Variants in SRPRA observed in about 807,000 individuals in gnomAD.
SRPRA encodes signal recognition particle receptor subunit alpha.
SRPRA carries 30 observed loss-of-function variants against 61.1 expected under a neutral mutation model. The observed-to-expected ratio is 0.49, with a 90% CI of 0.37 to 0.67. The LOEUF (loss-of-function observed/expected upper bound fraction) is 0.67, where lower values mean the gene tolerates loss of function less well. Ranked by LOEUF, SRPRA falls within the 30% of genes least tolerant of loss-of-function variation. The probability of loss-of-function intolerance (pLI) is 0.00; values close to 1 mark genes in which losing one functional copy is unlikely to be tolerated. For missense variants in SRPRA, 759 were observed against 828.4 expected (o/e 0.92, Z 1.03); for synonymous variants, 324 against 299.7 (o/e 1.08, Z -0.84).
chr11:126,251,541 T>A, the SRPRA span, among the ~76,000 whole-genome samples: 2 of 152,196 alleles, frequency 1.3e-5, no homozygotes, highest in African/African-American at 4.8e-5. Flanking sequence ...AGACTAGTTT[T>A]CTCTGGTCCA....
At chr11:126,254,489 A>C in the SRPRA span, 1 of 1,602,792 alleles carries the variant, frequency 6.2e-7, no homozygotes, top group Non-Finnish European at 8.5e-7. Context: ...AATCTCTCTA[A>C]ATATGCCATA....
At chr11:126,247,655 C>G in the SRPRA span, among the ~76,000 whole-genome samples, 1 of 151,906 alleles carries the variant, frequency 6.6e-6, no homozygotes, top group Non-Finnish European at 1.5e-5. Flanking sequence ...GTCAGAAGTT[C>G]AAGACCAGCC....
chr11:126,265,681 G>A lies in SRPRA; in HGVS notation c.1138+56C>T. ...GAAAGTCACATACCTAGTAAGAACT[G>A]AGGTCTATGCACTTAACCTACACAT... On this transcript the variant is annotated intron_variant, in intron 9 of 13. Coordinates refer to ENST00000332118, the MANE Select transcript of SRPRA (RefSeq NM_003139.4). The surrounding 1 kb of genome is among the most constrained non-coding windows in gnomAD (Gnocchi z 6.3). 6.4e-7 allele frequency: 1 copy of A among 1,568,948 alleles called. No homozygotes were observed. The highest frequency in any genetic ancestry group is 8.8e-7 in the Non-Finnish European group (1 of 1,140,244).
chr11:126,247,422 T>C, the SRPRA span, among the ~76,000 whole-genome samples: 1 of 152,232 alleles, frequency 6.6e-6, no homozygotes, highest in Non-Finnish European at 1.5e-5. Flanking sequence ...TTAAAATAAG[T>C]GACCTGGATT....
chr11:126,249,523 G>T, the SRPRA span, among the ~76,000 whole-genome samples: 1 of 152,036 alleles, frequency 6.6e-6, no homozygotes. Flanking sequence ...ACAAGGTCAG[G>T]AGTTCAAGAC....
Position 126,265,650 on chromosome 11 carries a change from T to C in SRPRA, c.1138+87A>G. On this transcript the variant is annotated intron_variant, in intron 9 of 13. Coordinates refer to ENST00000332118, the MANE Select transcript of SRPRA (RefSeq NM_003139.4). This position sits in a 1 kb window ranked among gnomAD's most constrained non-coding sequence, Gnocchi z 6.3. ...TTACAGAGGTTTAGAGGTTAAGGAATTTGCCGAAAGTCACATACCTAGTAA... is the reference window on the plus strand; with the variant it reads ...TTACAGAGGTTTAGAGGTTAAGGAACTTGCCGAAAGTCACATACCTAGTAA... The C allele has an allele frequency of 6.8e-7, 1 of 1,462,702 alleles. No homozygotes were observed. The highest frequency in any genetic ancestry group is 1.2e-5 in the South Asian group (1 of 85,366). 90.6% of individuals were successfully genotyped at this position (1,462,702 alleles called of 1,614,324 possible). A position where few individuals can be genotyped will look rare whatever the true frequency, so the allele number is the denominator to read the frequency against.
chr11:126,238,190 C>T, the SRPRA span, among the ~76,000 whole-genome samples: 20 of 151,794 alleles, frequency 1.3e-4, no homozygotes, highest in African/African-American at 1.5e-4. Context: ...GGTGAAACCC[C>T]GTCTCTACTA....
the SRPRA span, among the ~76,000 whole-genome samples, chr11:126,246,580 G>A: frequency 4.6e-5 from 7 of 152,240 alleles, no homozygotes; most frequent in South Asian, 2.1e-4. Flanking sequence ...ACCCTGGGGC[G>A]GGAGGCGGTG....
In SRPRA at chr11:126,268,884, G is replaced by T. The variant is rs1950882336; in HGVS notation, c.-80C>A. On this transcript the variant is annotated 5_prime_UTR_variant, in exon 1 of 14. Coordinates refer to ENST00000332118, the MANE Select transcript of SRPRA (RefSeq NM_003139.4). ...CGCCGCTTCCTGCTGCGCCAAGCGC[G>T]GGACACGTCACACCAGTGGCCCCGG... is the stretch of plus-strand genomic sequence containing the variant. 2 of 1,201,544 alleles carry T rather than the reference G, an allele frequency of 1.7e-6. No individual in the cohort carries two copies. The highest frequency in any genetic ancestry group is 3.6e-5 in the Admixed American group (2 of 55,962). 74.4% of individuals were successfully genotyped at this position (1,201,544 alleles called of 1,614,324 possible). A position where few individuals can be genotyped will look rare whatever the true frequency, so the allele number is the denominator to read the frequency against.
intron 1 of SRPRA, among the ~76,000 whole-genome samples, chr11:126,268,328 A>C (rs766743628): frequency 6.6e-6 from 1 of 152,238 alleles, no homozygotes; most frequent in East Asian, 1.9e-4. Flanking sequence ...GTAGTCATGT[A>C]AACAATCAGA....
chr11:126,250,506 C>T, the SRPRA span: 3 of 1,609,486 alleles, frequency 1.9e-6, no homozygotes, highest in South Asian at 2.2e-5. The surrounding 1 kb of genome is among the most constrained non-coding windows in gnomAD (Gnocchi z 5.1). Context: ...CCCTCCTCAG[C>T]GTACCAGTAA....
chr11:126,268,704 C>A lies in SRPRA; in HGVS notation c.101G>T (p.Arg34Leu). 1.9e-6 allele frequency: 3 copies of A among 1,613,726 alleles called. No homozygotes were observed. Among genetic ancestry groups the A allele is most frequent in the Non-Finnish European group, 1.7e-6 (2 of 1,179,896 alleles). ...GGACGGTACCTGCAGCAGCACGGAA[C>A]GAATCAACGCGTTAACGGGTCCGGT... Reference protein sequence around the residue: ...SCTGPVNALIRSVLLQERGGN... With the variant: ...SCTGPVNALILSVLLQERGGN... The change falls in exon 1 of 14, where the codon CGT becomes CTT. Residue 34 changes from arginine to leucine, a missense_variant. This residue lies in a region of SRPRA where 475 missense variants were observed against 462.5 expected (regional missense o/e 1.03). Transcript: ENST00000332118.
chr11:126,254,288 A>T, the SRPRA span: 102 of 1,612,590 alleles, frequency 6.3e-5, no homozygotes, highest in Non-Finnish European at 8.3e-5. Context: ...TGGTTGGGCT[A>T]TATGTGTGTT....
At chr11:126,249,216 C>T in the SRPRA span, among the ~76,000 whole-genome samples, 3 of 152,098 alleles carry the variant, frequency 2.0e-5, no homozygotes, top group African/African-American at 7.2e-5. Flanking sequence ...ATCTGCAAAA[C>T]AAGACATTGG....
At chr11:126,252,284 GCA>G in the SRPRA span, among the ~76,000 whole-genome samples, 2 of 152,108 alleles carry the variant, frequency 1.3e-5, no homozygotes, top group Non-Finnish European at 2.9e-5. This position sits in a 1 kb window ranked among gnomAD's most constrained non-coding sequence, Gnocchi z 4.7. Flanking sequence ...ACCACACCCA[GCA>G]CAGTTTTTAT....
the SRPRA span, among the ~76,000 whole-genome samples, chr11:126,257,812 TA>T: frequency 1.1e-3 from 163 of 152,272 alleles, 1 homozygote; most frequent in African/African-American, 3.7e-3. Flanking sequence ...AGTCAGAGGA[TA>T]GGGGTATCAT....
the SRPRA span, chr11:126,250,527 A>G: frequency 6.2e-7 from 1 of 1,613,836 alleles, no homozygotes; most frequent in Non-Finnish European, 8.5e-7. The surrounding 1 kb of genome is among the most constrained non-coding windows in gnomAD (Gnocchi z 5.1). Flanking sequence ...TGTTCGATCC[A>G]CATTTTTCAA....
downstream of SRPRA, among the ~76,000 whole-genome samples, chr11:126,259,869 C>G (rs1198245587): frequency 6.6e-6 from 1 of 150,512 alleles, no homozygotes; most frequent in East Asian, 2.0e-4. Flanking sequence ...TAAAGGCGCC[C>G]GCCACCACAC....
chr11:126,261,482 G>A (rs34495134), downstream of SRPRA: 2,477 of 1,611,136 alleles, frequency 1.5e-3, 24 homozygotes, highest in African/African-American at 0.025. Flanking sequence ...AGTGAAATAA[G>A]AGGTATACTG....
Sources: gnomAD v4.1 joint callset for allele counts (sites outside exome capture counted in the v4.1 genomes callset) on GRCh38, gnomAD v4.1.1 for gene constraint, gnomAD v4.1.1 regional missense constraint, Gnocchi (gnomAD v3.1) non-coding constraint, MANE v1.5 for transcripts, NCBI Gene and HGNC (gene_info 2026-07-23, HGNC 2026-07-21) for gene names.